MAST4: variants seen among roughly 807,000 people sequenced by gnomAD.
The protein encoded by MAST4 is microtubule associated serine/threonine kinase family member 4.
A neutral mutation model predicts 162.7 loss-of-function variants in MAST4; 89 were observed. The ratio of observed to expected loss-of-function variants is 0.55; its 90% confidence interval spans 0.46 to 0.65. MAST4 has a LOEUF of 0.65. Among genes scored for constraint, MAST4 ranks in the 30% least tolerant of loss-of-function variants. The pLI is 0.00. For synonymous variants in MAST4, 1,479 were observed against 1,361.1 expected (o/e 1.09, Z -1.91); for missense variants, 3,153 against 3,374.0 (o/e 0.93, Z 1.62).
At chr5:67,155,969 G>C (rs1458127413) in intron 26 of MAST4, among the ~76,000 whole-genome samples, 1 of 150,888 alleles carries the variant, frequency 6.6e-6, no homozygotes, top group East Asian at 2.0e-4. Context: ...CTGAGACAGA[G>C]AATTTCTTGA....
At chr5:67,122,547 A>G (rs1234795578) in intron 14 of MAST4, among the ~76,000 whole-genome samples, 1 of 152,124 alleles carries the variant, frequency 6.6e-6, no homozygotes, top group African/African-American at 2.4e-5. Context: ...CTACTTGCTT[A>G]TCGTTTGTTT....
intron 11 of MAST4, 22 bp from the exon 12 acceptor site, chr5:67,114,065 A>G: frequency 1.2e-6 from 2 of 1,613,446 alleles, no homozygotes; most frequent in Non-Finnish European, 8.5e-7. Flanking sequence ...AGAAGTATCC[A>G]TCTGTGATTG....
intron 4 of MAST4, among the ~76,000 whole-genome samples, chr5:67,050,385 A>C (rs1758022910): frequency 1.3e-5 from 2 of 152,142 alleles, no homozygotes; most frequent in Non-Finnish European, 2.9e-5. Flanking sequence ...GCACCTGTTC[A>C]GCTGTGACAT....
At chr5:67,004,178 C>T (rs570097609) in intron 4 of MAST4, among the ~76,000 whole-genome samples, 1 of 151,430 alleles carries the variant, frequency 6.6e-6, no homozygotes, top group South Asian at 2.1e-4. Context: ...GGCTGCGGGG[C>T]TGTCCCGGCA....
chr5:67,166,750 T>C lies in MAST4; in HGVS notation c.7571T>C (p.Phe2524Ser). The C allele has an allele frequency of 6.3e-7, 1 of 1,593,830 alleles. No homozygotes were observed. Among genetic ancestry groups the C allele is most frequent in the Non-Finnish European group, 8.5e-7 (1 of 1,170,952 alleles). ...ACAAAGAGTGACTCCCTGCCCTCCT[T>C]CCGGGTCTCCACCCTGCCTCTGGAG... ...HMTKSDSLPS[F>S]RVSTLPLESH... Residue 2524 changes from phenylalanine to serine, a missense_variant, in exon 29 of 29, where the codon TTC becomes TCC. By Grantham distance (155) the Phe-to-Ser change is radical. Transcript: ENST00000403625.
At chr5:66,831,762 C>T (rs979760120) in intron 3 of MAST4, among the ~76,000 whole-genome samples, 1 of 152,048 alleles carries the variant, frequency 6.6e-6, no homozygotes, top group African/African-American at 2.4e-5. Flanking sequence ...AGAAAGCAGC[C>T]CCAGTGGTTT....
At chr5:66,802,510 A>G (rs1755972027) in intron 3 of MAST4, among the ~76,000 whole-genome samples, 1 of 152,094 alleles carries the variant, frequency 6.6e-6, no homozygotes. Flanking sequence ...AATCTTTGTC[A>G]CTTCTTGCAT....
chr5:66,817,284 A>T (rs1205403713), intron 3 of MAST4, among the ~76,000 whole-genome samples: 1 of 152,178 alleles, frequency 6.6e-6, no homozygotes, highest in African/African-American at 2.4e-5. Flanking sequence ...CGATTCATGT[A>T]CTTCTGACTC....
chr5:67,024,283 G>C (rs935256477), intron 4 of MAST4, among the ~76,000 whole-genome samples: 1 of 149,572 alleles, frequency 6.7e-6, no homozygotes, highest in African/African-American at 2.5e-5. Context: ...ACACACGATG[G>C]AACACTGTTC....
intron 3 of MAST4, among the ~76,000 whole-genome samples, chr5:66,818,461 G>A (rs1187529886): frequency 6.6e-6 from 1 of 151,784 alleles, no homozygotes; most frequent in Non-Finnish European, 1.5e-5. Context: ...TTTCACTATG[G>A]TCTGTGCCCT....
In MAST4 at chr5:66,596,634, G is replaced by A. The variant is rs745637904; in HGVS notation, c.-22G>A. 2 of 1,412,312 alleles carry A rather than the reference G, an allele frequency of 1.4e-6. No individual in the cohort carries two copies. Among genetic ancestry groups the A allele is most frequent in the South Asian group, 3.2e-5 (2 of 61,806 alleles). 87.5% of individuals were successfully genotyped at this position (1,412,312 alleles called of 1,614,324 possible). A position where few individuals can be genotyped will look rare whatever the true frequency, so the allele number is the denominator to read the frequency against. On this transcript the variant is annotated 5_prime_UTR_variant, in exon 1 of 29. Transcript: ENST00000403625. ...GCGCCGCGCCCCCGCCGCTCGGGAGGCACTTTGGGCCAGACAGGGAAATGG... is the reference window on the plus strand; with the variant it reads ...GCGCCGCGCCCCCGCCGCTCGGGAGACACTTTGGGCCAGACAGGGAAATGG...
chr5:66,843,450 T>A (rs1758568307), intron 3 of MAST4, among the ~76,000 whole-genome samples: 1 of 152,192 alleles, frequency 6.6e-6, no homozygotes, highest in South Asian at 2.1e-4. Context: ...TATGGTCGCT[T>A]AACAGAGAGG....
intron 4 of MAST4, among the ~76,000 whole-genome samples, chr5:66,962,122 A>G (rs1746085117): frequency 6.6e-6 from 1 of 152,222 alleles, no homozygotes. Flanking sequence ...CCCAAATCTG[A>G]TTTTAGCCAT....
chr5:66,815,160 C>A (rs775870312), intron 3 of MAST4, among the ~76,000 whole-genome samples: 39 of 152,126 alleles, frequency 2.6e-4, no homozygotes, highest in Non-Finnish European at 4.7e-4. Context: ...ATGAATAACT[C>A]CATGCTGAGC....
At chr5:66,860,229 T>C (rs1759996988) in intron 3 of MAST4, among the ~76,000 whole-genome samples, 1 of 152,208 alleles carries the variant, frequency 6.6e-6, no homozygotes, top group South Asian at 2.1e-4. Flanking sequence ...CCTGGGGCTG[T>C]TATAAACATT....
rs1269677391 is a variant in MAST4, at chr5:66,995,507, A to C, written c.675-58897A>C. Among the ~76,000 whole-genome samples the C allele has an allele frequency of 2.0e-5, 3 of 151,992 alleles. No individual in the cohort carries two copies. The South Asian group carries it at 6.2e-4, about 32-fold the overall frequency. On this transcript the variant is annotated intron_variant, in intron 4 of 28. Coordinates refer to ENST00000403625, the MANE Select transcript of MAST4 (RefSeq NM_001164664.2). The stretch of plus-strand genomic sequence containing the variant: ...CAAAATCCACCTCCGGTTTCAAGTG[A>C]TTCTCCTGCCTCAGCCTTCCAAGTA...
chr5:66,897,125 A>T (rs1038111642), intron 3 of MAST4, among the ~76,000 whole-genome samples: 1 of 152,166 alleles, frequency 6.6e-6, no homozygotes, highest in Non-Finnish European at 1.5e-5. Flanking sequence ...AACAATTAGC[A>T]TATTGTTTAG....
intron 10 of MAST4, among the ~76,000 whole-genome samples, chr5:67,106,029 A>G: frequency 6.6e-6 from 1 of 152,176 alleles, no homozygotes; most frequent in East Asian, 1.9e-4. Context: ...CAGCAGTGTT[A>G]AAACCCTCCT....
intron 5 of MAST4, among the ~76,000 whole-genome samples, chr5:67,087,211 A>G (rs998298899): frequency 1.3e-5 from 2 of 152,196 alleles, no homozygotes; most frequent in African/African-American, 4.8e-5. Context: ...CAATCTACCC[A>G]CATTGGAAAC....
Sources: allele counts gnomAD v4.1 joint callset (sites outside exome capture counted in the v4.1 genomes callset), GRCh38; gene constraint gnomAD v4.1.1; transcripts MANE v1.5; gene names NCBI Gene and HGNC (gene_info 2026-07-23, HGNC 2026-07-21).